The following MAP3K20 variants were observed in gnomAD, a reference collection of about 807,000 sequenced individuals.
The protein encoded by MAP3K20 is mitogen-activated protein kinase kinase kinase 20.
MAP3K20 carries 40 observed loss-of-function variants against 85.7 expected under a neutral mutation model. The ratio of observed to expected loss-of-function variants is 0.47; its 90% confidence interval spans 0.36 to 0.61. The LOEUF (loss-of-function observed/expected upper bound fraction) is 0.61, where lower values mean the gene tolerates loss of function less well. Ranked by LOEUF, MAP3K20 falls within the 20% of genes least tolerant of loss-of-function variation. The pLI is 0.00. For synonymous variants in MAP3K20, 325 were observed against 327.7 expected (o/e 0.99, Z 0.09); for missense variants, 817 against 961.7 (o/e 0.85, Z 1.99).
At chr2:173,134,419 TATA>T (rs1400734848) in intron 2 of MAP3K20, among the ~76,000 whole-genome samples, 37 of 23,128 alleles carry the variant, frequency 1.6e-3, no homozygotes, top group African/African-American at 5.2e-3. Context: ...TATATATATA[TATA>T]TATATATTTT....
At chr2:173,230,477 T>C (rs925090920) in intron 12 of MAP3K20, among the ~76,000 whole-genome samples, 15 of 152,186 alleles carry the variant, frequency 9.9e-5, no homozygotes, top group African/African-American at 3.6e-4. Context: ...GCCAGCCTTA[T>C]TCTGGCCTCC....
At chr2:173,081,804 G>A (rs3769206) in intron 1 of MAP3K20, among the ~76,000 whole-genome samples, 8,912 of 152,212 alleles carry the variant, frequency 0.059, 936 homozygotes, top group East Asian at 0.55. Context: ...CCTCAGAAAA[G>A]GAGGGAGACC....
intron 7 of MAP3K20, among the ~76,000 whole-genome samples, chr2:173,196,384 G>A (rs568785461): frequency 6.6e-6 from 1 of 152,186 alleles, no homozygotes; most frequent in East Asian, 1.9e-4. Flanking sequence ...CTTCCTTTAC[G>A]TGTGGTGTTC....
Position 173,238,396 on chromosome 2 carries a change from T to G in MAP3K20, c.1227T>G (p.His409Gln). The G allele has an allele frequency of 6.2e-7, 1 of 1,613,136 alleles. No individual in the cohort carries two copies. Among genetic ancestry groups the G allele is most frequent in the Non-Finnish European group, 8.5e-7 (1 of 1,179,608 alleles). The change falls in exon 15 of 20, where the codon CAT (histidine) becomes CAG (glutamine). Residue 409 changes from histidine (H) to glutamine (Q), a missense_variant. This residue lies in a region of MAP3K20 where 454 missense variants were observed against 476.9 expected (regional missense o/e 0.95). Coordinates refer to ENST00000375213, the MANE Select transcript of MAP3K20 (RefSeq NM_016653.3). ...AGTCAGCCATTGAGAAATTAACCCA[T>G]GATTACATAAATTTGTTTCACTTCC... ...HFKSAIEKLT[H>Q]DYINLFHFPP...
At position 173,224,082 on chromosome 2, in the gene MAP3K20, C is replaced by T. The variant is rs182547043; in HGVS notation, c.988-5607C>T. Reference sequence around the variant, plus strand: ...AGCTTACATGCCAGTGAGTGAAGATCGATGATAAATAAAGCAAATGCATCA... The same window carrying T: ...AGCTTACATGCCAGTGAGTGAAGATTGATGATAAATAAAGCAAATGCATCA... On this transcript the variant is annotated intron_variant, in intron 11 of 19. Coordinates refer to ENST00000375213, the MANE Select transcript of MAP3K20 (RefSeq NM_016653.3). 1.0e-5 allele frequency: 9 copies of T among 903,714 alleles called. No homozygotes were observed. In the Admixed American group the frequency reaches 4.9e-4, roughly 50 times the overall value. 56.0% of individuals were successfully genotyped at this position (903,714 alleles called of 1,614,324 possible). A position where few individuals can be genotyped will look rare whatever the true frequency, so the allele number is the denominator to read the frequency against.
At chr2:173,205,141 CAT>C (rs1319913378) in intron 9 of MAP3K20, among the ~76,000 whole-genome samples, 1 of 147,148 alleles carries the variant, frequency 6.8e-6, no homozygotes, top group Non-Finnish European at 1.5e-5. Context: ...TAAAATAAAA[CAT>C]ATTCTCACAG....
At chr2:173,229,876 G>A in intron 12 of MAP3K20, 143 bp downstream of exon 12, 1 of 929,298 alleles carries the variant, frequency 1.1e-6, no homozygotes, top group Non-Finnish European at 1.7e-6. Flanking sequence ...TGTCTCCCAG[G>A]CTGGAGTGCA....
At chr2:173,221,096 T>A (rs1336757706) in intron 11 of MAP3K20, 1 of 1,412,842 alleles carries the variant, frequency 7.1e-7, no homozygotes, top group East Asian at 2.3e-5. Flanking sequence ...TTTTCCTGAT[T>A]TAAATTGGTC....
At chr2:173,197,976 C>T (rs375404103) in intron 7 of MAP3K20, 50 bp from the exon 8 acceptor site, 1 of 1,555,774 alleles carries the variant, frequency 6.4e-7, no homozygotes, top group Non-Finnish European at 8.8e-7. Context: ...TAATATGTAC[C>T]AAAAAATATA....
chr2:173,249,823 A>G (rs535639828), intron 16 of MAP3K20, among the ~76,000 whole-genome samples: 1 of 152,228 alleles, frequency 6.6e-6, no homozygotes, highest in Non-Finnish European at 1.5e-5. Context: ...AAACATGTCA[A>G]CTAACATCTG....
At chr2:173,202,002 C>G (rs2043950) in intron 8 of MAP3K20, among the ~76,000 whole-genome samples, 5 of 152,054 alleles carry the variant, frequency 3.3e-5, no homozygotes, top group African/African-American at 1.2e-4. Flanking sequence ...TGTTGAGACA[C>G]AGTTGTACTG....
At position 173,099,867 on chromosome 2, in the gene MAP3K20, A is replaced by T. The variant is rs542460252; in HGVS notation, c.159+8677A>T. ...CAGGGCTAATGATAGTACCCACATC[A>T]TAAGAGTTGTTGAGAGGATTGAATG... On this transcript the variant is annotated intron_variant, in intron 2 of 19. Coordinates refer to ENST00000375213, the MANE Select transcript of MAP3K20 (RefSeq NM_016653.3). Among the ~76,000 whole-genome samples the T allele has an allele frequency of 4.9e-4, 74 of 152,376 alleles. 1 individual carries two copies. The South Asian group carries it at 0.015, about 31-fold the overall frequency.
chr2:173,214,124 A>T (rs1377913030), intron 10 of MAP3K20, among the ~76,000 whole-genome samples: 1 of 152,214 alleles, frequency 6.6e-6, no homozygotes, highest in East Asian at 1.9e-4. Context: ...TAGAAAACTG[A>T]ATGGTTATTC....
At chr2:173,124,822 G>A (rs1688396204) in intron 2 of MAP3K20, among the ~76,000 whole-genome samples, 3 of 152,080 alleles carry the variant, frequency 2.0e-5, no homozygotes, top group African/African-American at 7.2e-5. Flanking sequence ...TATTAAGAAA[G>A]CTTAAAGTTG....
chr2:173,218,951 C>T (rs1483422519), intron 11 of MAP3K20, among the ~76,000 whole-genome samples: 4 of 152,160 alleles, frequency 2.6e-5, no homozygotes, highest in Non-Finnish European at 2.9e-5. Flanking sequence ...TGAGGGCTAC[C>T]GTCTAACAAT....
chr2:173,167,630 A>G (rs545502795), intron 2 of MAP3K20, among the ~76,000 whole-genome samples: 38 of 152,192 alleles, frequency 2.5e-4, no homozygotes, highest in Non-Finnish European at 3.5e-4. Context: ...GGGATAGAGG[A>G]TAATGATTGT....
chr2:173,235,964 G>A (rs969253865), intron 14 of MAP3K20, among the ~76,000 whole-genome samples: 2 of 152,018 alleles, frequency 1.3e-5, no homozygotes, highest in Non-Finnish European at 2.9e-5. Flanking sequence ...AGATAGAATC[G>A]GTGGTCGAAA....
intron 11 of MAP3K20, chr2:173,221,071 A>AT: frequency 7.7e-7 from 1 of 1,291,604 alleles, no homozygotes; most frequent in Admixed American, 2.7e-5. Flanking sequence ...GTGCCAACTA[A>AT]TTTTGTGGTA....
chr2:173,222,355 G>A, intron 11 of MAP3K20: 1 of 985,888 alleles, frequency 1.0e-6, no homozygotes, highest in South Asian at 4.7e-5. Flanking sequence ...AGTAAAGCCT[G>A]AGCAGTGTTC....
Sources: allele counts gnomAD v4.1 joint callset (sites outside exome capture counted in the v4.1 genomes callset), GRCh38; gene constraint gnomAD v4.1.1; regional missense constraint gnomAD v4.1.1; transcripts MANE v1.5; gene names NCBI Gene and HGNC (gene_info 2026-07-23, HGNC 2026-07-21).